The following C16orf74 variants were observed in gnomAD, a reference collection of about 807,000 sequenced individuals.
C16orf74 encodes the protein calcimembrin.
Under a neutral mutation model 6.5 loss-of-function variants are expected in C16orf74, and 10 were observed. The observed-to-expected ratio is 1.54, with a 90% CI of 0.95 to 2.61. The LOEUF (loss-of-function observed/expected upper bound fraction) is 2.61, where lower values mean the gene tolerates loss of function less well. Among genes scored for constraint, C16orf74 ranks in the 30% most tolerant of loss-of-function variants. The pLI, the probability that C16orf74 is intolerant of heterozygous loss-of-function variation, is 0.00. For synonymous variants in C16orf74, 60 were observed against 42.5 expected (o/e 1.41, Z -1.60); for missense variants, 141 against 105.9 (o/e 1.33, Z -1.45).
chr16:85,707,816 G>A lies in C16orf74; in HGVS notation c.*192C>T. On this transcript the variant is annotated 3_prime_UTR_variant, in exon 4 of 4. Coordinates refer to ENST00000284245, the MANE Select transcript of C16orf74 (RefSeq NM_206967.3). ...AGGTCCGGTCCACTCAGCGGGGCCT[G>A]GGAAACACTGTTCTGGAAGTGGACA... 5.1e-6 allele frequency: 3 copies of A among 593,854 alleles called. No individual in the cohort carries two copies. The highest frequency in any genetic ancestry group is 2.0e-5 in the South Asian group (1 of 49,908). The allele number at this position is 593,854 out of a possible 1,614,324, so 36.8% of individuals were successfully genotyped here.
chr16:85,720,283 G>A (rs137869334), intron 2 of C16orf74, among the ~76,000 whole-genome samples: 1 of 152,328 alleles, frequency 6.6e-6, no homozygotes, highest in Non-Finnish European at 1.5e-5. Flanking sequence ...GACACACCAA[G>A]GTGGGGGAAG....
At chr16:85,721,552 A>G (rs1323827247) in intron 2 of C16orf74, among the ~76,000 whole-genome samples, 1 of 152,144 alleles carries the variant, frequency 6.6e-6, no homozygotes, top group Non-Finnish European at 1.5e-5. Context: ...ACATGCTTCT[A>G]CTTGACAGTA....
rs376275719 is a variant in C16orf74, at chr16:85,729,463, C to T, written c.28+5727G>A. ...TATGCCACCCTCTCAATATCTACCA[C>T]CCTTGGGCAGAGTCTTTGTTGCCAG... On this transcript the variant is annotated intron_variant, in intron 2 of 3. Coordinates refer to ENST00000284245, the MANE Select transcript of C16orf74 (RefSeq NM_206967.3). 4.4e-4 allele frequency among the ~76,000 whole-genome samples: 67 copies of T among 152,344 alleles called. No homozygotes were observed. In the South Asian group the frequency reaches 0.013, roughly 29 times the overall value.
chr16:85,736,513 G>C (rs144400227), intron 1 of C16orf74, among the ~76,000 whole-genome samples: 60 of 152,292 alleles, frequency 3.9e-4, no homozygotes, highest in Non-Finnish European at 7.6e-4. Flanking sequence ...AGTCCAGGTG[G>C]AGCTAGTAAG....
intron 2 of C16orf74, among the ~76,000 whole-genome samples, chr16:85,731,775 C>T (rs1020525967): frequency 6.6e-6 from 1 of 151,884 alleles, no homozygotes; most frequent in African/African-American, 2.4e-5. Flanking sequence ...GCAGCCTTGA[C>T]TTCCTGGGCT....
intron 1 of C16orf74, among the ~76,000 whole-genome samples, chr16:85,749,820 G>A (rs1040687047): frequency 4.6e-5 from 7 of 152,220 alleles, no homozygotes; most frequent in African/African-American, 1.7e-4. Flanking sequence ...CCACCGGCAT[G>A]GGAAGGCGCT....
At chr16:85,714,348 C>G (rs1208890170) in intron 2 of C16orf74, among the ~76,000 whole-genome samples, 1 of 151,828 alleles carries the variant, frequency 6.6e-6, no homozygotes, top group African/African-American at 2.4e-5. Flanking sequence ...CCTTCTGAAC[C>G]CCAACACTGT....
intron 2 of C16orf74, among the ~76,000 whole-genome samples, chr16:85,728,311 A>G (rs1030285711): frequency 6.6e-6 from 1 of 152,102 alleles, no homozygotes; most frequent in African/African-American, 2.4e-5. Context: ...TATCTTTTCA[A>G]TTTTTCTGTA....
intron 1 of C16orf74, among the ~76,000 whole-genome samples, chr16:85,738,384 G>C (rs1418983636): frequency 6.7e-6 from 1 of 150,022 alleles, no homozygotes; most frequent in Admixed American, 6.6e-5. Flanking sequence ...GAGTGCAGTG[G>C]CGTGACCTTG....
chr16:85,740,159 G>C (rs962447758), intron 1 of C16orf74, among the ~76,000 whole-genome samples: 1 of 135,914 alleles, frequency 7.4e-6, no homozygotes, highest in South Asian at 2.4e-4. Flanking sequence ...GTAGGGAGCC[G>C]AGATCACGCC....
rs993472111 is a variant in C16orf74 at position 85,745,090 on chromosome 16, G to C, written c.-19+5836C>G. ...TGGGAGCTGCAGGTTGTGGAGAGCT[G>C]AGATTCCACCATTGCACTCCAGCCT... is the stretch of plus-strand genomic sequence containing the variant. On this transcript the variant is annotated intron_variant, in intron 1 of 3. Coordinates refer to ENST00000284245, the MANE Select transcript of C16orf74 (RefSeq NM_206967.3). Among the ~76,000 whole-genome samples the C allele has an allele frequency of 3.0e-5, 4 of 135,090 alleles. No individual in the cohort carries two copies. The Admixed American group carries it at 3.2e-4, about 11-fold the overall frequency. 88.6% of individuals were successfully genotyped at this position (135,090 alleles called of 152,430 possible).
At chr16:85,737,856 T>A (rs1056831023) in intron 1 of C16orf74, among the ~76,000 whole-genome samples, 1 of 151,966 alleles carries the variant, frequency 6.6e-6, no homozygotes, top group Non-Finnish European at 1.5e-5. Context: ...AAGAACAAGC[T>A]TGTACAACCC....
intron 1 of C16orf74, among the ~76,000 whole-genome samples, chr16:85,737,525 C>T (rs1319592442): frequency 6.6e-6 from 1 of 152,180 alleles, no homozygotes; most frequent in Non-Finnish European, 1.5e-5. Context: ...TAAGAAGACC[C>T]TGTCTCTATA....
At chr16:85,726,410 C>T (rs570348194) in intron 2 of C16orf74, among the ~76,000 whole-genome samples, 37 of 152,292 alleles carry the variant, frequency 2.4e-4, no homozygotes, top group Non-Finnish European at 4.1e-4. Context: ...CATGGAACAG[C>T]GACTGTGCGT....
intron 1 of C16orf74, among the ~76,000 whole-genome samples, chr16:85,745,139 TAAAAAAAAAA>T (rs10554549): frequency 3.9e-5 from 2 of 50,994 alleles, no homozygotes; most frequent in South Asian, 7.8e-4. Flanking sequence ...AAACTCTGTC[TAAAAAAAAAA>T]AAAAAAAAAA....
intron 1 of C16orf74, among the ~76,000 whole-genome samples, chr16:85,748,492 G>A (rs992694892): frequency 6.6e-6 from 1 of 151,974 alleles, no homozygotes. Context: ...CAGCTACTCA[G>A]GATGCTGAGG....
Position 85,742,295 on chromosome 16 carries a change from C to T in C16orf74, c.-18-7060G>A, listed in dbSNP as rs143762072. ...GGCTGAAGAATGAGAATCGCTTGAA[C>T]CTGGGAGCCAGAAGTTGCAGTGAGC... On this transcript the variant is annotated intron_variant, in intron 1 of 3. Transcript: ENST00000284245. Among the ~76,000 whole-genome samples, 374 of 152,250 alleles carry T rather than the reference C, an allele frequency of 2.5e-3. 2 individuals carry two copies. Among genetic ancestry groups the T allele is most frequent in the African/African-American group, 8.6e-3 (359 of 41,566 alleles).
In C16orf74 at chr16:85,731,583, G is replaced by A. The variant is rs1868870; in HGVS notation, c.28+3607C>T. Among the ~76,000 whole-genome samples the A allele has an allele frequency of 6.1e-3, 935 of 152,278 alleles. 7 individuals carry two copies. The highest frequency in any genetic ancestry group is 0.013 in the South Asian group (61 of 4,818). ...GTGTAGTGTTGAGGCCCCAGGGAGT[G>A]AGAGTAATCGTATCCAGGGCTGAAC... On this transcript the variant is annotated intron_variant, in intron 2 of 3. Transcript: ENST00000284245.
At chr16:85,717,184 T>C (rs9930090) in intron 2 of C16orf74, among the ~76,000 whole-genome samples, 8,043 of 152,248 alleles carry the variant, frequency 0.053, 701 homozygotes, top group African/African-American at 0.18. Flanking sequence ...GATTTCCACA[T>C]GGGTTACATA....
Sources: allele counts gnomAD v4.1 joint callset (sites outside exome capture counted in the v4.1 genomes callset), GRCh38; gene constraint gnomAD v4.1.1; transcripts MANE v1.5; gene names NCBI Gene and HGNC (gene_info 2026-07-23, HGNC 2026-07-21).